FRMD5: variants seen among roughly 807,000 people sequenced by gnomAD.
FRMD5 encodes the protein FERM domain-containing protein 5.
FRMD5 carries 20 observed loss-of-function variants against 69.0 expected under a neutral mutation model. That is an observed-to-expected ratio of 0.29 (90% CI 0.20 to 0.42). The LOEUF (loss-of-function observed/expected upper bound fraction) is 0.42. Ranked by LOEUF, FRMD5 falls within the 10% of genes least tolerant of loss-of-function variation. FRMD5 has a pLI of 1.00. For synonymous variants in FRMD5, 271 were observed against 260.1 expected (o/e 1.04, Z -0.40); for missense variants, 595 against 708.6 (o/e 0.84, Z 1.82).
At chr15:43,951,983 TGTGTGTGTGTGTGTGTCTG>T (rs1566857256) in intron 1 of FRMD5, among the ~76,000 whole-genome samples, 2,276 of 139,214 alleles carry the variant, frequency 0.016, 53 homozygotes, top group African/African-American at 0.056. Flanking sequence ...GTGTGTGTTG[TGTGTGTGTGTGTGTGTCTG>T]TGTGTGTGTG....
intron 1 of FRMD5, among the ~76,000 whole-genome samples, chr15:43,944,537 C>T (rs964688472): frequency 6.6e-6 from 1 of 151,864 alleles, no homozygotes; most frequent in South Asian, 2.1e-4. Context: ...TCAAGTGATT[C>T]TCTTGCCTCA....
At chr15:43,990,041 C>T (rs2140132525) in intron 1 of FRMD5, 1 of 770,252 alleles carries the variant, frequency 1.3e-6, no homozygotes, top group East Asian at 2.7e-5. Flanking sequence ...TCCTTCTGAC[C>T]CATGCCCACC....
At chr15:44,189,285 G>C (rs1300635534) in intron 1 of FRMD5, among the ~76,000 whole-genome samples, 1 of 151,928 alleles carries the variant, frequency 6.6e-6, no homozygotes, top group Non-Finnish European at 1.5e-5. Context: ...CCAATATAGG[G>C]GCCTATCTTG....
intron 1 of FRMD5, among the ~76,000 whole-genome samples, chr15:44,121,988 C>CAA (rs34129381): frequency 2.6e-4 from 18 of 69,978 alleles, no homozygotes; most frequent in Non-Finnish European, 4.0e-4. Context: ...AAGGGAGACT[C>CAA]AAAAAAAAAA....
chr15:44,033,315 A>C (rs541627956), intron 1 of FRMD5, among the ~76,000 whole-genome samples: 2 of 152,268 alleles, frequency 1.3e-5, no homozygotes, highest in South Asian at 4.1e-4. Flanking sequence ...TGGGTGATGA[A>C]ATAATATCTA....
chr15:43,991,531 A>G (rs1228812678), intron 1 of FRMD5, among the ~76,000 whole-genome samples: 1 of 152,228 alleles, frequency 6.6e-6, no homozygotes, highest in Non-Finnish European at 1.5e-5. Flanking sequence ...ATGGATATTC[A>G]TTATAAAAAT....
chr15:44,079,514 T>C (rs188535367), intron 1 of FRMD5, among the ~76,000 whole-genome samples: 66 of 152,156 alleles, frequency 4.3e-4, no homozygotes, highest in Non-Finnish European at 7.5e-4. Context: ...CTGGGCAACA[T>C]TGAACTTGTC....
At chr15:44,118,717 C>T (rs2076904815) in intron 1 of FRMD5, among the ~76,000 whole-genome samples, 2 of 152,160 alleles carry the variant, frequency 1.3e-5, no homozygotes, top group African/African-American at 4.8e-5. Flanking sequence ...AACCAGATCC[C>T]CCGATGGGAT....
chr15:43,977,793 C>G (rs192850995), intron 1 of FRMD5, among the ~76,000 whole-genome samples: 1 of 152,248 alleles, frequency 6.6e-6, no homozygotes, highest in East Asian at 1.9e-4. Context: ...ATAGGCCTCC[C>G]TCTTCTACAG....
chr15:43,883,522 C>G (rs753294218), intron 13 of FRMD5, among the ~76,000 whole-genome samples, 181 bp downstream of exon 13: 9 of 152,268 alleles, frequency 5.9e-5, no homozygotes, highest in Non-Finnish European at 5.9e-5. Flanking sequence ...TAGATACCCA[C>G]ACCCCTTTAC....
intron 1 of FRMD5, among the ~76,000 whole-genome samples, chr15:43,988,544 C>T (rs1272096375): frequency 6.6e-6 from 1 of 152,058 alleles, no homozygotes; most frequent in Admixed American, 6.5e-5. Context: ...TACCTCCACC[C>T]ACTCCCAACT....
intron 9 of FRMD5, 97 bp from the exon 10 acceptor site, chr15:43,888,363 G>A (rs2088713914): frequency 1.1e-5 from 9 of 794,808 alleles, no homozygotes; most frequent in East Asian, 1.0e-4. Context: ...AGAGGCCCTG[G>A]CAGCTGGCTA....
chr15:43,928,214 T>C (rs1314074176), intron 1 of FRMD5, among the ~76,000 whole-genome samples: 2 of 152,206 alleles, frequency 1.3e-5, no homozygotes, highest in African/African-American at 4.8e-5. Context: ...CAGTTACCAG[T>C]GTTAGATGCA....
At chr15:43,951,030 TGA>T (rs1424697048) in intron 1 of FRMD5, among the ~76,000 whole-genome samples, 14 of 152,170 alleles carry the variant, frequency 9.2e-5, no homozygotes, top group African/African-American at 3.1e-4. Context: ...ACAGAGGAAA[TGA>T]TCAAATCAGG....
intron 1 of FRMD5, among the ~76,000 whole-genome samples, chr15:44,002,653 G>T (rs1382410800): frequency 2.0e-5 from 3 of 152,134 alleles, no homozygotes; most frequent in East Asian, 3.9e-4. Flanking sequence ...GAATGGAACA[G>T]AACAGGACAG....
At chr15:43,885,847 T>C in intron 10 of FRMD5, 92 bp from the exon 11 acceptor site, 1 of 998,076 alleles carries the variant, frequency 1.0e-6, no homozygotes, top group Non-Finnish European at 1.6e-6. Context: ...AAAGGCTACT[T>C]GAAACTTCAG....
chr15:44,177,532 T>C (rs1002519959), intron 1 of FRMD5, among the ~76,000 whole-genome samples: 2 of 152,150 alleles, frequency 1.3e-5, no homozygotes, highest in East Asian at 1.9e-4. Context: ...AAAGTAGGTG[T>C]TTGCCTAGGA....
intron 1 of FRMD5, among the ~76,000 whole-genome samples, chr15:43,977,483 T>A (rs142867508): frequency 1.5e-3 from 227 of 152,286 alleles, no homozygotes; most frequent in Non-Finnish European, 2.7e-3. Context: ...ATGAGGTCAT[T>A]CATTGTTGCT....
At chr15:44,010,591 G>C (rs1282548519) in intron 1 of FRMD5, among the ~76,000 whole-genome samples, 2 of 151,900 alleles carry the variant, frequency 1.3e-5, no homozygotes, top group African/African-American at 4.8e-5. Context: ...CACCATGTTG[G>C]CCAGGCTGGT....
Sources: gnomAD v4.1 joint callset for allele counts (sites outside exome capture counted in the v4.1 genomes callset) on GRCh38, gnomAD v4.1.1 for gene constraint, MANE v1.5 for transcripts, NCBI Gene and HGNC (gene_info 2026-07-23, HGNC 2026-07-21) for gene names.